EML6: variants seen among roughly 807,000 people sequenced by gnomAD.
EML6 encodes the protein echinoderm microtubule-associated protein-like 6.
In EML6, 154 loss-of-function variants were observed where a neutral mutation model predicts 240.1. That is an observed-to-expected ratio of 0.64 (90% CI 0.56 to 0.73). EML6 has a LOEUF of 0.73. Ranked by LOEUF, EML6 falls within the 30% of genes least tolerant of loss-of-function variation. The pLI, the probability that EML6 is intolerant of heterozygous loss-of-function variation, is 0.00. For synonymous variants in EML6, 1,148 were observed against 899.0 expected (o/e 1.28, Z -4.95); for missense variants, 2,964 against 2,474.6 (o/e 1.20, Z -4.20).
intron 2 of EML6, among the ~76,000 whole-genome samples, chr2:54,743,602 G>C (rs1207707854): frequency 6.6e-6 from 1 of 152,118 alleles, no homozygotes; most frequent in Non-Finnish European, 1.5e-5. Flanking sequence ...TAAACCAGGA[G>C]AGACAGAGCC....
chr2:54,838,087 C>G (rs933101199), intron 7 of EML6, among the ~76,000 whole-genome samples: 1 of 152,124 alleles, frequency 6.6e-6, no homozygotes, highest in Non-Finnish European at 1.5e-5. Context: ...GCCAGCAGAT[C>G]AAAATTATAA....
intron 41 of EML6, among the ~76,000 whole-genome samples, chr2:54,969,482 C>T (rs778402074): frequency 2.6e-5 from 4 of 152,196 alleles, no homozygotes; most frequent in Non-Finnish European, 4.4e-5. Context: ...GTGCTGGCTA[C>T]TTCTGGCACT....
chr2:54,811,447 C>A (rs996238557), intron 2 of EML6, among the ~76,000 whole-genome samples: 3 of 152,212 alleles, frequency 2.0e-5, no homozygotes, highest in African/African-American at 7.2e-5. Flanking sequence ...ATGTCCTGGG[C>A]AGCTGGTCAC....
intron 17 of EML6, chr2:54,880,676 G>C (rs775008190): frequency 3.3e-5 from 5 of 152,142 alleles, no homozygotes; most frequent in Non-Finnish European, 7.3e-5. Context: ...TTTTCTTCTG[G>C]TCTTTGTTTC....
At chr2:54,803,787 A>G (rs1253092814) in intron 2 of EML6, among the ~76,000 whole-genome samples, 1 of 152,192 alleles carries the variant, frequency 6.6e-6, no homozygotes, top group African/African-American at 2.4e-5. Flanking sequence ...TTCAGTTTTG[A>G]AACAATTGAA....
intron 16 of EML6, among the ~76,000 whole-genome samples, chr2:54,873,497 T>A (rs1456428013): frequency 1.3e-5 from 2 of 152,166 alleles, no homozygotes; most frequent in Non-Finnish European, 2.9e-5. Flanking sequence ...AGTTTTAAAA[T>A]AGGTGTGCTG....
At chr2:54,843,292 G>A (rs1401862826) in intron 7 of EML6, among the ~76,000 whole-genome samples, 3 of 152,062 alleles carry the variant, frequency 2.0e-5, no homozygotes, top group African/African-American at 7.2e-5. Context: ...TCTAGGCATG[G>A]TGTTGCACAC....
rs773200331 is a variant in EML6 at position 54,959,138 on chromosome 2, A to G, written c.4730A>G (p.Asp1577Gly). 4.5e-6 allele frequency: 7 copies of G among 1,551,302 alleles called. No homozygotes were observed. The South Asian group carries it at 8.3e-5, about 18-fold the overall frequency. ...ACTTTCACGGGTGCCATCAATGGAGATGTCTACGTCTGGAAGGACCACTTC... is the reference window on the plus strand; with the variant it reads ...ACTTTCACGGGTGCCATCAATGGAGGTGTCTACGTCTGGAAGGACCACTTC... ...NLTFTGAING[D>G]VYVWKDHFLI... Residue 1577 changes from aspartate (D) to glycine (G), a missense_variant, in exon 34 of 42, where the codon GAT (aspartate) becomes GGT (glycine). Physicochemically the swap from Asp to Gly is moderately conservative, Grantham distance 94. Coordinates refer to ENST00000356458, the MANE Select transcript of EML6 (RefSeq NM_001039753.4).
intron 38 of EML6, chr2:54,966,641 C>G (rs927270263): frequency 6.1e-6 from 1 of 163,600 alleles, no homozygotes; most frequent in Non-Finnish European, 1.4e-5. Flanking sequence ...ACAGCAGAGA[C>G]TGCTGGGCCC....
chr2:54,936,612 T>G (rs1452355335), intron 28 of EML6, among the ~76,000 whole-genome samples: 1 of 152,206 alleles, frequency 6.6e-6, no homozygotes, highest in Non-Finnish European at 1.5e-5. Flanking sequence ...AGCTCAAGGA[T>G]TGTTTTCTCA....
At chr2:54,907,946 AAGATAGATAGAT>A (rs11267419) in intron 24 of EML6, among the ~76,000 whole-genome samples, 717 of 37,940 alleles carry the variant, frequency 0.019, 2 homozygotes, top group Middle Eastern at 0.029. Context: ...ATAGATAGAT[AAGATAGATAGAT>A]AGATAGATAG....
intron 26 of EML6, among the ~76,000 whole-genome samples, chr2:54,919,818 G>C (rs961482451): frequency 1.3e-5 from 2 of 152,170 alleles, no homozygotes; most frequent in Non-Finnish European, 2.9e-5. Context: ...GTGTTCCTCA[G>C]ACCAGAGTTC....
intron 34 of EML6, among the ~76,000 whole-genome samples, 187 bp from the exon 35 acceptor site, chr2:54,960,033 G>A (rs1573220537): frequency 6.6e-6 from 1 of 152,212 alleles, no homozygotes; most frequent in South Asian, 2.1e-4. Flanking sequence ...AGCTCAGGAG[G>A]TTGGGATTGC....
intron 26 of EML6, among the ~76,000 whole-genome samples, chr2:54,926,983 T>G (rs1674582405): frequency 1.3e-5 from 2 of 152,352 alleles, no homozygotes; most frequent in South Asian, 2.1e-4. Flanking sequence ...GTGTATAAAC[T>G]GGATGTGCTC....
intron 2 of EML6, among the ~76,000 whole-genome samples, chr2:54,810,821 C>G (rs1408352979): frequency 6.6e-6 from 1 of 152,080 alleles, no homozygotes; most frequent in Non-Finnish European, 1.5e-5. Context: ...CTAGTCAATC[C>G]TCTTCTTCCT....
intron 2 of EML6, among the ~76,000 whole-genome samples, chr2:54,740,380 G>C (rs1683577511): frequency 2.6e-5 from 4 of 152,150 alleles, no homozygotes; most frequent in Admixed American, 2.6e-4. Flanking sequence ...AACAGAGAGA[G>C]TGTCAAGAAG....
At chr2:54,879,769 A>C in intron 17 of EML6, 129 bp downstream of exon 17, 1 of 655,946 alleles carries the variant, frequency 1.5e-6, no homozygotes, top group Non-Finnish European at 2.7e-6. Context: ...CTTAGCACCT[A>C]AGTGAAAAAA....
intron 28 of EML6, among the ~76,000 whole-genome samples, chr2:54,940,742 G>C (rs978227935): frequency 1.3e-5 from 2 of 152,216 alleles, no homozygotes; most frequent in Non-Finnish European, 2.9e-5. Flanking sequence ...TGATGTGACT[G>C]ATGTAGAATC....
chr2:54,827,874 A>G (rs1395444280), intron 6 of EML6, 123 bp downstream of exon 6: 1 of 652,520 alleles, frequency 1.5e-6, no homozygotes. Context: ...CTCCCTACTC[A>G]TGATAATTTC....
Sources: gnomAD v4.1 joint callset for allele counts (sites outside exome capture counted in the v4.1 genomes callset) on GRCh38, gnomAD v4.1.1 for gene constraint, MANE v1.5 for transcripts, NCBI Gene and HGNC (gene_info 2026-07-23, HGNC 2026-07-21) for gene names.